The following RAF1 variants were observed in gnomAD, a reference collection of about 807,000 sequenced individuals.
RAF1 encodes Raf-1 proto-oncogene, serine/threonine kinase.
In RAF1, 27 loss-of-function variants were observed where a neutral mutation model predicts 81.1. The ratio of observed to expected loss-of-function variants is 0.33; its 90% CI spans 0.25 to 0.46. RAF1 has a LOEUF of 0.46. Ranked by LOEUF, RAF1 falls within the 20% of genes least tolerant of loss-of-function variation. RAF1 has a pLI of 1.00. For synonymous variants in RAF1, 298 were observed against 294.0 expected (o/e 1.01, Z -0.14); for missense variants, 598 against 826.0 (o/e 0.72, Z 3.38).
intron 6 of RAF1, among the ~76,000 whole-genome samples, chr3:12,604,987 C>G (rs1008295996): frequency 2.0e-5 from 3 of 152,164 alleles, no homozygotes; most frequent in African/African-American, 7.2e-5. Context: ...AAAAGGCCAG[C>G]TTTTCTAAGG....
chr3:12,625,079 ATTTTAT>A lies in RAF1; in HGVS notation c.-26-6338_-26-6333del, dbSNP rs1176911643. Among the ~76,000 whole-genome samples, 4 of 152,002 alleles carry A rather than the reference ATTTTAT, an allele frequency of 2.6e-5. No homozygotes were observed. The South Asian group carries it at 6.2e-4, about 24-fold the overall frequency. The stretch of plus-strand genomic sequence containing the variant: ...TATTTTTTATCAATTTGTAAAATTT[ATTTTAT>A]TTTTATTTATTTTTTTGAGGCGGAA... On this transcript the variant is annotated intron_variant, in intron 1 of 17. Transcript: ENST00000442415.
At position 12,633,950 on chromosome 3, in the gene RAF1, AAC is replaced by A. The variant is rs1220637067; in HGVS notation, c.-26-15205_-26-15204del. ...AAACTCTCTCAAAAAAAAAAAAAAA[AAC>A]AAAAAAAATCAGGAATCCGAATGAC... On this transcript the variant is annotated intron_variant, in intron 1 of 17. Transcript: ENST00000442415. Among the ~76,000 whole-genome samples the A allele has an allele frequency of 3.0e-4, 45 of 151,628 alleles. No homozygotes were observed. In the East Asian group the frequency reaches 7.0e-3, roughly 24 times the overall value.
chr3:12,621,896 G>A (rs144617077), intron 1 of RAF1, among the ~76,000 whole-genome samples: 20 of 152,242 alleles, frequency 1.3e-4, no homozygotes, highest in African/African-American at 4.6e-4. Flanking sequence ...AAATGGATGG[G>A]GAACTCTAGA....
At chr3:12,653,148 G>A (rs952521933) in intron 1 of RAF1, among the ~76,000 whole-genome samples, 5 of 151,680 alleles carry the variant, frequency 3.3e-5, no homozygotes, top group African/African-American at 9.7e-5. Context: ...TGGGCATAGT[G>A]GCACAGGCCT....
intron 1 of RAF1, among the ~76,000 whole-genome samples, chr3:12,641,853 T>C (rs1307273465): frequency 6.6e-6 from 1 of 152,054 alleles, no homozygotes; most frequent in African/African-American, 2.4e-5. Context: ...TCCTGGATGT[T>C]AACTTAAAAT....
intron 6 of RAF1, among the ~76,000 whole-genome samples, chr3:12,605,957 G>A (rs527364032): frequency 2.0e-5 from 3 of 152,288 alleles, no homozygotes; most frequent in African/African-American, 7.2e-5. Flanking sequence ...GACATATTAA[G>A]AAATATGCTA....
rs73019148 is a variant in RAF1 at position 12,593,673 on chromosome 3, G to A, written c.1169-1881C>T. ...ACCATATGGGAAACGTGTATAACCA[G>A]CCCTGAGTAGGAGGACAACAATCAT... is the stretch of plus-strand genomic sequence containing the variant. On this transcript the variant is annotated intron_variant, in intron 11 of 17. Transcript: ENST00000442415. 8.3e-3 allele frequency among the ~76,000 whole-genome samples: 1,263 copies of A among 152,128 alleles called. 9 individuals carry two copies. Among genetic ancestry groups the A allele is most frequent in the Admixed American group, 0.016 (240 of 15,274 alleles).
rs2058252920 is a variant in RAF1, at chr3:12,584,484, C to T, written c.*30G>A. The T allele has an allele frequency of 1.2e-6, 2 of 1,613,994 alleles. No homozygotes were observed. Among genetic ancestry groups the T allele is most frequent in the African/African-American group, 2.7e-5 (2 of 74,932 alleles). Reference sequence around the variant, plus strand: ...GTGCCTGCTGGCTTCTCCTCCTCCCCTGGCAGCCTGAAGACAGGTGCAAAG... The same window carrying T: ...GTGCCTGCTGGCTTCTCCTCCTCCCTTGGCAGCCTGAAGACAGGTGCAAAG... On this transcript the variant is annotated 3_prime_UTR_variant, in exon 18 of 18. Coordinates refer to ENST00000442415, the MANE Select transcript of RAF1 (RefSeq NM_001354689.3).
At chr3:12,621,788 T>C (rs1321391426) in intron 1 of RAF1, among the ~76,000 whole-genome samples, 2 of 152,166 alleles carry the variant, frequency 1.3e-5, no homozygotes, top group Admixed American at 1.3e-4. Context: ...AGTAGATCCA[T>C]ATATACAGAG....
chr3:12,647,188 C>T (rs1233262669), intron 1 of RAF1, among the ~76,000 whole-genome samples: 3 of 151,590 alleles, frequency 2.0e-5, no homozygotes, highest in Non-Finnish European at 4.4e-5. Flanking sequence ...CCCAGCTACT[C>T]GGAAGGCTGA....
In RAF1 at chr3:12,585,469, CA is replaced by C. The variant is rs1445289417; in HGVS notation, c.1596+211del. ...ACCAAGACCCAGCATTTCTGTCACC[CA>C]GCTTATTAACTCCTCTCCACACTAA... On this transcript the variant is annotated intron_variant, in intron 15 of 17. Transcript: ENST00000442415. The C allele has an allele frequency of 1.0e-5, 10 of 980,576 alleles. No homozygotes were observed. The African/African-American group carries it at 1.8e-4, about 17-fold the overall frequency. 60.7% of individuals were successfully genotyped at this position (980,576 alleles called of 1,614,324 possible). A position where few individuals can be genotyped will look rare whatever the true frequency, so the allele number is the denominator to read the frequency against.
At chr3:12,643,392 A>C (rs2060249337) in intron 1 of RAF1, among the ~76,000 whole-genome samples, 1 of 142,488 alleles carries the variant, frequency 7.0e-6, no homozygotes, top group African/African-American at 2.7e-5. Context: ...GATCAAAGTA[A>C]GAAAAGAGTA....
chr3:12,607,854 G>A (rs2059083800), intron 5 of RAF1, among the ~76,000 whole-genome samples: 1 of 150,094 alleles, frequency 6.7e-6, no homozygotes. Flanking sequence ...GGGAGGCTGA[G>A]GCAGGAGAAT....
chr3:12,605,638 C>G (rs1230967842), intron 6 of RAF1, among the ~76,000 whole-genome samples: 1 of 152,104 alleles, frequency 6.6e-6, no homozygotes, highest in Non-Finnish European at 1.5e-5. Context: ...TGTGTTAACA[C>G]TGAGCAGTAG....
intron 2 of RAF1, among the ~76,000 whole-genome samples, chr3:12,613,763 C>T (rs1005652768): frequency 4.6e-5 from 7 of 152,112 alleles, no homozygotes; most frequent in East Asian, 1.9e-4. Context: ...AGAGGGGCAA[C>T]GTAAGAAGTT....
intron 2 of RAF1, among the ~76,000 whole-genome samples, chr3:12,615,970 T>C (rs1247594588): frequency 2.0e-5 from 3 of 152,016 alleles, no homozygotes; most frequent in Non-Finnish European, 4.4e-5. Context: ...GAGAATCGCT[T>C]GAACCTGGGA....
At chr3:12,628,751 T>TG (rs35539372) in intron 1 of RAF1, among the ~76,000 whole-genome samples, 20,977 of 81,878 alleles carry the variant, frequency 0.26, 3,886 homozygotes, top group East Asian at 0.77. Flanking sequence ...AGACTATTTT[T>TG]GGGGGGGGGG....
At position 12,584,202 on chromosome 3, in the gene RAF1, T is replaced by G; in HGVS notation, c.*312A>C. 1 of 451,212 alleles carries G rather than the reference T, an allele frequency of 2.2e-6. No individual in the cohort carries two copies. Among genetic ancestry groups the G allele is most frequent in the Non-Finnish European group, 4.1e-6 (1 of 242,674 alleles). The allele number at this position is 451,212 out of a possible 1,614,324, so 28.0% of individuals were successfully genotyped here. ...TCTAAATACTCATGTAGCCAACAGC[T>G]GGGGCTGGGCCCCTGCTTTTTGTAC... On this transcript the variant is annotated 3_prime_UTR_variant, in exon 18 of 18. Transcript: ENST00000442415.
At chr3:12,631,314 A>G (rs1261838389) in intron 1 of RAF1, among the ~76,000 whole-genome samples, 1 of 152,224 alleles carries the variant, frequency 6.6e-6, no homozygotes, top group Non-Finnish European at 1.5e-5. Context: ...ATGGTTCAAT[A>G]GTGGCCAGGC....
Sources: gnomAD v4.1 joint callset for allele counts (sites outside exome capture counted in the v4.1 genomes callset) on GRCh38, gnomAD v4.1.1 for gene constraint, MANE v1.5 for transcripts, NCBI Gene and HGNC (gene_info 2026-07-23, HGNC 2026-07-21) for gene names.